Variants in MYCBP2 observed in about 807,000 individuals in gnomAD.
MYCBP2 encodes MYC binding protein 2.
Under a neutral mutation model 525.3 loss-of-function variants are expected in MYCBP2, and 120 were observed. The observed-to-expected ratio is 0.23, with a 90% confidence interval of 0.20 to 0.27. The LOEUF (loss-of-function observed/expected upper bound fraction) is 0.27. Among genes scored for constraint, MYCBP2 ranks in the 10% least tolerant of loss-of-function variants. The pLI is 1.00. For synonymous variants in MYCBP2, 1,894 were observed against 1,955.8 expected (o/e 0.97, Z 0.83); for missense variants, 4,149 against 5,657.1 (o/e 0.73, Z 8.55).
intron 43 of MYCBP2, among the ~76,000 whole-genome samples, chr13:77,163,116 C>G (rs1002331110): frequency 3.3e-5 from 5 of 152,164 alleles, no homozygotes; most frequent in Non-Finnish European, 7.3e-5. Flanking sequence ...AACCAGTTCC[C>G]AACTGAAAGA....
At chr13:77,174,518 T>C in intron 36 of MYCBP2, 29 bp from the exon 37 acceptor site, 2 of 1,566,724 alleles carry the variant, frequency 1.3e-6, no homozygotes, top group Non-Finnish European at 1.8e-6. Context: ...AAACATCTTT[T>C]ATTCACAATG....
chr13:77,144,671 A>C (rs1594886975), intron 48 of MYCBP2, 111 bp from the exon 49 acceptor site: 2 of 748,742 alleles, frequency 2.7e-6, no homozygotes. Flanking sequence ...TGGCAATCCT[A>C]CCACCCTGCC....
At chr13:77,296,782 C>A in intron 1 of MYCBP2, 108 bp from the exon 2 acceptor site, 1 of 879,718 alleles carries the variant, frequency 1.1e-6, no homozygotes, top group South Asian at 2.1e-5. Context: ...CTTTTTCTTG[C>A]AAAATTTCTT....
chr13:77,090,078 C>T, intron 60 of MYCBP2, 28 bp downstream of exon 60: 1 of 1,576,240 alleles, frequency 6.3e-7, no homozygotes, highest in Non-Finnish European at 8.6e-7. Flanking sequence ...TCAGATCACT[C>T]AATATTCTTT....
chr13:77,161,479 G>C (rs979953372), intron 44 of MYCBP2, among the ~76,000 whole-genome samples: 2 of 152,168 alleles, frequency 1.3e-5, no homozygotes, highest in Admixed American at 6.5e-5. Flanking sequence ...GTTTGTCACA[G>C]ACTGAGCTCA....
At chr13:77,170,264 T>C (rs1341283237) in intron 38 of MYCBP2, among the ~76,000 whole-genome samples, 1 of 152,214 alleles carries the variant, frequency 6.6e-6, no homozygotes, top group Non-Finnish European at 1.5e-5. Flanking sequence ...CATTGCTTTC[T>C]GTTTTTCCAA....
chr13:77,056,915 T>C, intron 79 of MYCBP2, 71 bp downstream of exon 79: 4 of 1,188,944 alleles, frequency 3.4e-6, no homozygotes, highest in Non-Finnish European at 5.0e-6. Flanking sequence ...TACTGACATA[T>C]GTTTATTTTG....
intron 20 of MYCBP2, among the ~76,000 whole-genome samples, chr13:77,220,727 T>A (rs967130175): frequency 2.6e-5 from 4 of 152,204 alleles, no homozygotes; most frequent in African/African-American, 7.2e-5. Flanking sequence ...TGTTCCTCTA[T>A]AGACATAATC....
rs752077802 is a variant in MYCBP2, at chr13:77,126,460, A to G, written c.7742T>C (p.Met2581Thr). Residue 2581 changes from methionine (M) to threonine (T), a missense_variant, in exon 53 of 83, where the codon ATG (methionine) becomes ACG (threonine). Physicochemically the swap from Met to Thr is moderately conservative, Grantham distance 81. Coordinates refer to ENST00000544440, the MANE Select transcript of MYCBP2 (RefSeq NM_015057.5). ...PQEATMQEQD[M>T]PFLRGGPGMY... The stretch of plus-strand genomic sequence containing the variant: ...GCCTGGCCCTCCTCGCAAGAATGGC[A>G]TATCTTGTTCTTGCATTGTTGCTTC... 1.5e-5 allele frequency: 25 copies of G among 1,613,992 alleles called. No individual in the cohort carries two copies. The highest frequency in any genetic ancestry group is 1.9e-5 in the Non-Finnish European group (23 of 1,179,866).
chr13:77,236,867 T>A (rs1473909121), intron 17 of MYCBP2, among the ~76,000 whole-genome samples: 3 of 151,742 alleles, frequency 2.0e-5, no homozygotes, highest in Non-Finnish European at 4.4e-5. Flanking sequence ...ATCCTGCCTC[T>A]ACAAAAAATA....
intron 59 of MYCBP2, 94 bp from the exon 60 acceptor site, chr13:77,090,357 T>A: frequency 9.6e-7 from 1 of 1,043,124 alleles, no homozygotes; most frequent in African/African-American, 1.6e-5. Flanking sequence ...ACTCAATATT[T>A]CATGTGGAGA....
chr13:77,169,777 C>T (rs1490944183), intron 38 of MYCBP2, 63 bp from the exon 39 acceptor site: 13 of 1,272,378 alleles, frequency 1.0e-5, no homozygotes, highest in African/African-American at 1.5e-5. Flanking sequence ...GTACTGCATA[C>T]ATGCTGTACT....
chr13:77,086,727 T>C (rs1332015053), intron 62 of MYCBP2, among the ~76,000 whole-genome samples: 1 of 152,162 alleles, frequency 6.6e-6, no homozygotes, highest in Non-Finnish European at 1.5e-5. Flanking sequence ...TGATTGTTTT[T>C]TAAATATCAA....
At chr13:77,056,099 GGTGTGTGT>G (rs56952443) in intron 79 of MYCBP2, among the ~76,000 whole-genome samples, 5,969 of 120,512 alleles carry the variant, frequency 0.05, 172 homozygotes, top group Middle Eastern at 0.065. Context: ...CTCTGTGTTT[GGTGTGTGT>G]GTGTGTGTGT....
rs560189382 is a variant in MYCBP2 at position 77,189,082 on chromosome 13, A to C, written c.4155-35T>G. On this transcript the variant is annotated intron_variant, in intron 29 of 82. Transcript: ENST00000544440. ...GTAGACACATATAAAATTATGTTAG[A>C]AAGTCCAATGTCATTTTTTCTTTTT... is the stretch of plus-strand genomic sequence containing the variant. The C allele has an allele frequency of 1.3e-5, 18 of 1,431,990 alleles. No individual in the cohort carries two copies. In the African/African-American group the frequency reaches 2.6e-4, roughly 21 times the overall value. The allele number at this position is 1,431,990 out of a possible 1,614,324, so 88.7% of individuals were successfully genotyped here.
At chr13:77,104,766 G>C (rs2047602770) in intron 55 of MYCBP2, among the ~76,000 whole-genome samples, 1 of 152,102 alleles carries the variant, frequency 6.6e-6, no homozygotes, top group South Asian at 2.1e-4. Context: ...GTCACAGACT[G>C]ACTACAGCAG....
At chr13:77,289,114 GAAGTATCT>G (rs1279309516) in intron 2 of MYCBP2, among the ~76,000 whole-genome samples, 2 of 151,722 alleles carry the variant, frequency 1.3e-5, no homozygotes, top group African/African-American at 2.4e-5. Flanking sequence ...GTATGTCCAG[GAAGTATCT>G]AAGATAAACA....
intron 55 of MYCBP2, among the ~76,000 whole-genome samples, chr13:77,112,786 C>T (rs1340493806): frequency 3.3e-5 from 5 of 152,030 alleles, no homozygotes; most frequent in Admixed American, 3.3e-4. Context: ...ATTCTCCTCA[C>T]CCTCCTGCAT....
chr13:77,088,861 T>G lies in MYCBP2; in HGVS notation c.10696A>C (p.Lys3566Gln). Residue 3566 changes from lysine to glutamine, a missense_variant, in exon 61 of 83, where the codon AAA becomes CAA. Lys to Gln is a moderately conservative substitution (Grantham distance 53). Transcript: ENST00000544440. Reference sequence around the variant, plus strand: ...ATAGCAAAAACTCGACAAGCAGATTTCCTTAGGGCCTGTTTCATTGCTATT... The same window carrying G: ...ATAGCAAAAACTCGACAAGCAGATTGCCTTAGGGCCTGTTTCATTGCTATT... ...LEIAMKQALRKSACRVFAMEA... is the reference protein window; with the variant it reads ...LEIAMKQALRQSACRVFAMEA... The G allele has an allele frequency of 6.2e-7, 1 of 1,612,558 alleles. No homozygotes were observed. Among genetic ancestry groups the G allele is most frequent in the Non-Finnish European group, 8.5e-7 (1 of 1,179,048 alleles).
Sources: allele counts gnomAD v4.1 joint callset (sites outside exome capture counted in the v4.1 genomes callset), GRCh38; gene constraint gnomAD v4.1.1; transcripts MANE v1.5; gene names NCBI Gene and HGNC (gene_info 2026-07-23, HGNC 2026-07-21).